The following FBXL2 variants were observed in gnomAD, a reference collection of about 807,000 sequenced individuals.
FBXL2 encodes the protein F-box/LRR-repeat protein 2.
A neutral mutation model predicts 69.2 loss-of-function variants in FBXL2; 38 were observed. The observed-to-expected ratio is 0.55, with a 90% CI of 0.42 to 0.72. The LOEUF is 0.72. Ranked by LOEUF, FBXL2 falls within the 30% of genes least tolerant of loss-of-function variation. The pLI is 0.00. For synonymous variants in FBXL2, 192 were observed against 201.3 expected, an observed-to-expected ratio of 0.95 and a Z score of 0.39; for missense variants, 354 against 520.3, an observed-to-expected ratio of 0.68 and a Z score of 3.11.
chr3:33,400,675 G>A (rs565549050), intron 12 of FBXL2, among the ~76,000 whole-genome samples: 1 of 152,112 alleles, frequency 6.6e-6, no homozygotes, highest in Admixed American at 6.5e-5. Context: ...GGAAGAATGG[G>A]TGAGGGATAA....
chr3:33,366,824 C>T (rs560243777), intron 5 of FBXL2, among the ~76,000 whole-genome samples: 2 of 151,966 alleles, frequency 1.3e-5, no homozygotes, highest in African/African-American at 4.8e-5. Context: ...ATTAGCTGGG[C>T]GTGGTGGCAG....
intron 2 of FBXL2, among the ~76,000 whole-genome samples, chr3:33,301,581 C>A (rs1278140128): frequency 6.6e-6 from 1 of 152,106 alleles, no homozygotes; most frequent in African/African-American, 2.4e-5. Context: ...TTTACAGATT[C>A]CTTCTCTACT....
chr3:33,335,372 C>T (rs1208938693), intron 2 of FBXL2, among the ~76,000 whole-genome samples: 3 of 152,052 alleles, frequency 2.0e-5, no homozygotes, highest in Non-Finnish European at 4.4e-5. Context: ...TCCCTTTTAC[C>T]TCTTTTTAAA....
intron 2 of FBXL2, among the ~76,000 whole-genome samples, chr3:33,322,348 GA>G (rs1308519117): frequency 1.3e-5 from 2 of 152,158 alleles, no homozygotes; most frequent in African/African-American, 4.8e-5. Flanking sequence ...AAAGTGCTGG[GA>G]TTACAGGCGT....
At chr3:33,305,108 T>C (rs1200896125) in intron 2 of FBXL2, among the ~76,000 whole-genome samples, 1 of 151,980 alleles carries the variant, frequency 6.6e-6, no homozygotes, top group African/African-American at 2.4e-5. Flanking sequence ...AGGCATTTTT[T>C]AATGAATACC....
intron 12 of FBXL2, chr3:33,393,247 T>C: frequency 6.8e-7 from 1 of 1,475,282 alleles, no homozygotes; most frequent in Non-Finnish European, 9.1e-7. Flanking sequence ...TTTTCTACAG[T>C]TCTACAATTA....
chr3:33,414,865 A>C, the FBXL2 span, among the ~76,000 whole-genome samples: 2 of 152,316 alleles, frequency 1.3e-5, no homozygotes, highest in South Asian at 2.1e-4. Context: ...TGATGCCTTC[A>C]GAATAAGTAA....
At chr3:33,378,381 T>A (rs1386550491) in intron 12 of FBXL2, among the ~76,000 whole-genome samples, 3 of 152,196 alleles carry the variant, frequency 2.0e-5, no homozygotes, top group African/African-American at 7.2e-5. Flanking sequence ...TAAAATAAGC[T>A]TGCATGTCCA....
chr3:33,300,917 G>A lies in FBXL2; in HGVS notation c.65+3192G>A, dbSNP rs1390728304. On this transcript the variant is annotated intron_variant, in intron 2 of 14. Coordinates refer to ENST00000484457, the MANE Select transcript of FBXL2 (RefSeq NM_012157.5). The stretch of plus-strand genomic sequence containing the variant: ...TTTTTAGTAGAGACAGGGTTTCACC[G>A]TGGTCTCGATCTCCTGACCTTGTGA... 4.0e-5 allele frequency among the ~76,000 whole-genome samples: 6 copies of A among 151,210 alleles called. No individual in the cohort carries two copies. The East Asian group carries it at 9.8e-4, about 25-fold the overall frequency.
intron 2 of FBXL2, among the ~76,000 whole-genome samples, chr3:33,342,489 TAG>T (rs1250559829): frequency 5.9e-5 from 9 of 151,490 alleles, no homozygotes; most frequent in Admixed American, 3.9e-4. Context: ...TACGAAAAAA[TAG>T]AGTTTCTGAT....
downstream of FBXL2, among the ~76,000 whole-genome samples, chr3:33,406,435 G>A (rs1213331804): frequency 6.6e-6 from 1 of 151,990 alleles, no homozygotes; most frequent in Non-Finnish European, 1.5e-5. Context: ...ACATCCCCCT[G>A]CACATATAAA....
chr3:33,277,541 A>C (rs1395727629), intron 1 of FBXL2, 26 bp downstream of exon 1: 2 of 1,284,586 alleles, frequency 1.6e-6, no homozygotes, highest in African/African-American at 3.1e-5. Context: ...GCGTCTGCCT[A>C]GCTGCCCCGC....
intron 12 of FBXL2, chr3:33,397,493 A>G (rs1465048967): frequency 6.2e-6 from 1 of 161,648 alleles, no homozygotes; most frequent in Non-Finnish European, 1.3e-5. Context: ...CCCCACAGAA[A>G]CAAACCCTGA....
intron 2 of FBXL2, among the ~76,000 whole-genome samples, chr3:33,336,546 A>G (rs1407646098): frequency 2.0e-5 from 3 of 152,240 alleles, no homozygotes; most frequent in Non-Finnish European, 4.4e-5. Context: ...CGTCAACATG[A>G]CATACTGTAT....
At chr3:33,364,028 G>T (rs2041798059) in intron 4 of FBXL2, among the ~76,000 whole-genome samples, 1 of 152,184 alleles carries the variant, frequency 6.6e-6, no homozygotes, top group Non-Finnish European at 1.5e-5. Flanking sequence ...TTAAAAAGTG[G>T]AGGTGCTTAA....
chr3:33,307,233 G>A (rs1463021062), intron 2 of FBXL2, among the ~76,000 whole-genome samples: 1 of 152,118 alleles, frequency 6.6e-6, no homozygotes, highest in Non-Finnish European at 1.5e-5. Context: ...GCGATGTAGA[G>A]CACAATATCA....
chr3:33,382,229 T>A (rs1211633623), intron 13 of FBXL2, among the ~76,000 whole-genome samples: 1 of 152,182 alleles, frequency 6.6e-6, no homozygotes, highest in Non-Finnish European at 1.5e-5. Context: ...ACTAAAAAAT[T>A]TGGCAGAGTG....
chr3:33,299,861 A>G (rs1271014242), intron 2 of FBXL2, among the ~76,000 whole-genome samples: 2 of 152,242 alleles, frequency 1.3e-5, no homozygotes, highest in Non-Finnish European at 2.9e-5. Context: ...TGTTTGCCAT[A>G]TAAACCCAAA....
chr3:33,390,229 T>C, downstream of FBXL2: 3 of 1,207,798 alleles, frequency 2.5e-6, no homozygotes, highest in Non-Finnish European at 3.6e-6. Context: ...TATGAAACAT[T>C]TCATATGGTA....
Sources: allele counts gnomAD v4.1 joint callset (sites outside exome capture counted in the v4.1 genomes callset), GRCh38; gene constraint gnomAD v4.1.1; transcripts MANE v1.5; gene names NCBI Gene and HGNC (gene_info 2026-07-23, HGNC 2026-07-21).